The following NPC1L1 variants were observed in gnomAD, a reference collection of about 807,000 sequenced individuals.
The protein encoded by NPC1L1 is NPC1-like intracellular cholesterol transporter 1.
A neutral mutation model predicts 117.0 loss-of-function variants in NPC1L1; 98 were observed. The ratio of observed to expected loss-of-function variants is 0.84; its 90% confidence interval spans 0.71 to 0.99. The LOEUF (loss-of-function observed/expected upper bound fraction) is 0.99, where lower values mean the gene tolerates loss of function less well. Ranked by LOEUF, NPC1L1 falls within the 50% of genes least tolerant of loss-of-function variation. The pLI is 0.00. For synonymous variants in NPC1L1, 729 were observed against 727.6 expected (o/e 1.00, Z -0.03); for missense variants, 1,540 against 1,710.0 (o/e 0.90, Z 1.75).
chr7:44,517,215 G>A lies in NPC1L1; in HGVS notation c.3279C>T (p.Phe1093=). Residue 1093 remains phenylalanine (F), a synonymous_variant, in exon 15 of 19, where the codon TTC becomes TTT. Coordinates refer to ENST00000381160, the MANE Select transcript of NPC1L1 (RefSeq NM_001101648.2). ...VPGTDPAFEV[F]PYTITNVFYE... The stretch of plus-strand genomic sequence containing the variant: ...GCCACTCAGGTCCTCACGTGTAGGG[G>A]AAGACCTCAAAAGCCGGGTCTGTTC... 6.2e-7 allele frequency: 1 copy of A among 1,614,064 alleles called. No homozygotes were observed. The highest frequency in any genetic ancestry group is 1.3e-5 in the African/African-American group (1 of 75,020).
At chr7:44,535,734 A>T in intron 5 of NPC1L1, 106 bp downstream of exon 5, 1 of 1,520,174 alleles carries the variant, frequency 6.6e-7, no homozygotes, top group South Asian at 1.1e-5. Flanking sequence ...GGGTGTGTCC[A>T]CTTTGCTGTT....
rs1201545505 is a variant in NPC1L1 at position 44,541,256 on chromosome 7, C to T, written c.4G>A (p.Ala2Thr). The T allele has an allele frequency of 3.9e-6, 6 of 1,549,900 alleles. No homozygotes were observed. The highest frequency in any genetic ancestry group is 4.4e-6 in the Non-Finnish European group (5 of 1,146,766). The change falls in exon 1 of 19, where the codon GCG becomes ACG. Residue 2 changes from alanine (A) to threonine (T), a missense_variant. Physicochemically the swap from Ala to Thr is moderately conservative, Grantham distance 58. This residue lies in a region of NPC1L1 where 793 missense variants were observed against 820.4 expected (regional missense o/e 0.97). Coordinates refer to ENST00000381160, the MANE Select transcript of NPC1L1 (RefSeq NM_001101648.2). The stretch of plus-strand genomic sequence containing the variant: ...AGCCAGCCCCTCAGGCCGGCCTCCG[C>T]CATCCCAGGTCTGGGAAGGGGTCAG... M[A>T]EAGLRGWLLW...
chr7:44,531,876 T>C, intron 9 of NPC1L1, 32 bp from the exon 10 acceptor site: 1 of 1,554,928 alleles, frequency 6.4e-7, no homozygotes, highest in Non-Finnish European at 8.7e-7. Context: ...GAGACCACCC[T>C]GCCCAACAGC....
In NPC1L1 at chr7:44,516,704, G is replaced by C. The variant is rs528352114; in HGVS notation, c.3518C>G (p.Ser1173Trp). ...TGGTGCCTGTGTCTGCTGGGTTACC[G>C]AGACCAGGTTGATGAGGGACACAGC... is the stretch of plus-strand genomic sequence containing the variant. ...YNAVSLINLV[S>W]AVGMSVEFVS... The change falls in exon 16 of 19, where the codon TCG becomes TGG. Residue 1173 changes from serine (S) to tryptophan (W), a missense_variant and splice_region_variant. Around this residue, in one of 3 missense-constraint regions of NPC1L1, gnomAD observed 742 missense variants for 873.6 expected, o/e 0.85. Transcript: ENST00000381160. 1 of 1,608,104 alleles carries C rather than the reference G, an allele frequency of 6.2e-7. No homozygotes were observed. Among genetic ancestry groups the C allele is most frequent in the Non-Finnish European group, 8.5e-7 (1 of 1,177,184 alleles).
At chr7:44,532,024 T>C in intron 9 of NPC1L1, 56 bp downstream of exon 9, 2 of 1,613,202 alleles carry the variant, frequency 1.2e-6, no homozygotes, top group Non-Finnish European at 1.7e-6. Flanking sequence ...CTGCTCTCCC[T>C]GAGGCGAGGT....
At chr7:44,532,679 C>G (rs1232014730) in intron 8 of NPC1L1, among the ~76,000 whole-genome samples, 1 of 152,194 alleles carries the variant, frequency 6.6e-6, no homozygotes, top group African/African-American at 2.4e-5. Context: ...CTAACATTTT[C>G]TTTTTTCTTG....
intron 10 of NPC1L1, among the ~76,000 whole-genome samples, chr7:44,526,101 G>A (rs1585136833): frequency 6.6e-6 from 1 of 152,278 alleles, no homozygotes; most frequent in African/African-American, 2.4e-5. Flanking sequence ...GAGAAGCAGA[G>A]GTTGCAGTGA....
intron 14 of NPC1L1, among the ~76,000 whole-genome samples, chr7:44,520,012 G>C (rs1236672001): frequency 3.9e-5 from 6 of 152,092 alleles, no homozygotes; most frequent in African/African-American, 1.4e-4. Flanking sequence ...GGGCACAGTG[G>C]CTCATGCCTG....
At position 44,536,400 on chromosome 7, in the gene NPC1L1, C is replaced by G. The variant is rs200133680; in HGVS notation, c.1710G>C (p.Leu570=). 1.3e-4 allele frequency: 207 copies of G among 1,613,760 alleles called. No individual in the cohort carries two copies. The Middle Eastern group carries it at 2.1e-3, about 17-fold the overall frequency. The change falls in exon 4 of 19, where the codon CTG becomes CTC. Residue 570 remains leucine, a synonymous_variant. Coordinates refer to ENST00000381160, the MANE Select transcript of NPC1L1 (RefSeq NM_001101648.2). This position sits in a 1 kb window ranked among gnomAD's most constrained non-coding sequence, Gnocchi z 4.7. ...KGKDYSEAEA[L]IMTFSLNNYP... ...AATTGTTGAGGGAGAACGTCATGAT[C>G]AGGGCCTCTGCCTCAGAATAGTCCT...
Position 44,534,461 on chromosome 7 carries a change from C to A in NPC1L1, c.2152G>T (p.Val718Phe), listed in dbSNP as rs1286320860. The A allele has an allele frequency of 6.2e-7, 1 of 1,614,046 alleles. No individual in the cohort carries two copies. Among genetic ancestry groups the A allele is most frequent in the Admixed American group, 1.7e-5 (1 of 60,010 alleles). Residue 718 changes from valine (V) to phenylalanine (F), a missense_variant, in exon 6 of 19, where the codon GTT (valine) becomes TTT (phenylalanine). Physicochemically the swap from Val to Phe is conservative, Grantham distance 50. Coordinates refer to ENST00000381160, the MANE Select transcript of NPC1L1 (RefSeq NM_001101648.2). This position sits in a 1 kb window ranked among gnomAD's most constrained non-coding sequence, Gnocchi z 5.2. ...SVGADNIFIFVLEYQRLPRRP... is the reference protein window; with the variant it reads ...SVGADNIFIFFLEYQRLPRRP... The stretch of plus-strand genomic sequence containing the variant: ...TCCCTTCTTACCTGGTACTCGAGAA[C>A]AAAGATGAAGATGTTATCAGCCCCC...
Position 44,524,559 on chromosome 7 carries a change from A to G in NPC1L1, c.2638-2317T>C, listed in dbSNP as rs217417. On this transcript the variant is annotated intron_variant, in intron 10 of 18. Coordinates refer to ENST00000381160, the MANE Select transcript of NPC1L1 (RefSeq NM_001101648.2). Reference sequence around the variant, plus strand: ...CACATGAGGCCAGGAGTTCGAGACCAGCCTGGCTAATATGGTGAAACCCTG... The same window carrying G: ...CACATGAGGCCAGGAGTTCGAGACCGGCCTGGCTAATATGGTGAAACCCTG... 3.9e-3 allele frequency among the ~76,000 whole-genome samples: 597 copies of G among 152,228 alleles called. 6 individuals carry two copies. Among genetic ancestry groups the G allele is most frequent in the African/African-American group, 0.013 (559 of 41,534 alleles).
At chr7:44,541,160 C>A (rs1261875298) in intron 1 of NPC1L1, 46 bp downstream of exon 1, 15 of 1,544,428 alleles carry the variant, frequency 9.7e-6, no homozygotes, top group Admixed American at 2.0e-5. Context: ...CCCAGGGTCC[C>A]TAACTGGAGG....
Position 44,536,194 on chromosome 7 carries a change from C to T in NPC1L1, c.1854+62G>A. 6.2e-7 allele frequency: 1 copy of T among 1,608,300 alleles called. No individual in the cohort carries two copies. The highest frequency in any genetic ancestry group is 1.7e-5 in the Admixed American group (1 of 60,012). ...AAGGGCCAGGGCCAGGATGGGGACA[C>T]AGGAACTGACCCAAGACCACCTGGG... is the stretch of plus-strand genomic sequence containing the variant. On this transcript the variant is annotated intron_variant, in intron 4 of 18. Transcript: ENST00000381160. The surrounding 1 kb of genome is among the most constrained non-coding windows in gnomAD (Gnocchi z 4.7).
chr7:44,531,922 G>T, intron 9 of NPC1L1, 78 bp from the exon 10 acceptor site: 1 of 1,520,606 alleles, frequency 6.6e-7, no homozygotes, highest in East Asian at 2.4e-5. Flanking sequence ...AGTCAGTCAG[G>T]GTGTCATGGG....
chr7:44,519,202 A>G (rs1326975975), intron 14 of NPC1L1, among the ~76,000 whole-genome samples: 2 of 152,028 alleles, frequency 1.3e-5, no homozygotes, highest in Non-Finnish European at 2.9e-5. Context: ...CTGGAACTTC[A>G]TTTTGAACAA....
In NPC1L1 at chr7:44,540,343, C is replaced by G; in HGVS notation, c.55-1G>C. The stretch of plus-strand genomic sequence containing the variant: ...TGGTTGTGTAAGGCTCACTCTGGGC[C>G]TGCAGAGCACAGCAACATCACGCGT... On this transcript the variant is annotated splice_acceptor_variant, in intron 1 of 18. Transcript: ENST00000381160. LOFTEE classifies it high-confidence loss of function. 6.2e-7 allele frequency: 1 copy of G among 1,611,610 alleles called. No individual in the cohort carries two copies. The highest frequency in any genetic ancestry group is 8.5e-7 in the Non-Finnish European group (1 of 1,179,970).
In NPC1L1 at chr7:44,539,062, T is replaced by C. The variant is rs970128167; in HGVS notation, c.1335A>G (p.Leu445=). The change falls in exon 2 of 19, where the codon CTA becomes CTG. Residue 445 remains leucine (L), a synonymous_variant. Transcript: ENST00000381160. The surrounding 1 kb of genome is among the most constrained non-coding windows in gnomAD (Gnocchi z 4.4). ...ILDLDLLLEL[L]ELQERLRHLQ... is the part of the protein sequence containing the mutation. ...GGTGCCGCAGCCTCTCCTGCAGCTC[T>C]AGCAGCTCCAGCAGCAAGTCCAGGT... 2 of 1,614,078 alleles carry C rather than the reference T, an allele frequency of 1.2e-6. No homozygotes were observed. Among genetic ancestry groups the C allele is most frequent in the East Asian group, 2.2e-5 (1 of 44,886 alleles).
At chr7:44,523,224 T>A (rs1276237912) in intron 10 of NPC1L1, among the ~76,000 whole-genome samples, 1 of 151,984 alleles carries the variant, frequency 6.6e-6, no homozygotes, top group African/African-American at 2.4e-5. Context: ...CCCAGCTGAT[T>A]TTTGTATTTT....
intron 13 of NPC1L1, 73 bp downstream of exon 13, chr7:44,520,919 G>C: frequency 1.2e-6 from 2 of 1,612,990 alleles, no homozygotes; most frequent in Non-Finnish European, 8.5e-7. Flanking sequence ...GCCTCCTCCT[G>C]CCTCTCTATA....
Sources: gnomAD v4.1 joint callset for allele counts (sites outside exome capture counted in the v4.1 genomes callset) on GRCh38, gnomAD v4.1.1 for gene constraint, gnomAD v4.1.1 regional missense constraint, Gnocchi (gnomAD v3.1) non-coding constraint, MANE v1.5 for transcripts, NCBI Gene and HGNC (gene_info 2026-07-23, HGNC 2026-07-21) for gene names.